SIPA1L2: variants seen among roughly 807,000 people sequenced by gnomAD.
SIPA1L2 encodes signal induced proliferation associated 1 like 2.
A neutral mutation model predicts 163.9 loss-of-function variants in SIPA1L2; 56 were observed. That is an observed-to-expected ratio of 0.34 (90% confidence interval 0.28 to 0.43). The LOEUF (loss-of-function observed/expected upper bound fraction) is 0.43, where lower values mean the gene tolerates loss of function less well. Ranked by LOEUF, SIPA1L2 falls within the 20% of genes least tolerant of loss-of-function variation. The pLI, the probability that SIPA1L2 is intolerant of heterozygous loss-of-function variation, is 1.00. For missense variants in SIPA1L2, 1,974 were observed against 2,193.5 expected (o/e 0.90, Z 2.00); for synonymous variants, 877 against 865.7 (o/e 1.01, Z -0.23).
At chr1:232,549,011 G>A (rs904546590) in intron 2 of SIPA1L2, among the ~76,000 whole-genome samples, 1 of 152,208 alleles carries the variant, frequency 6.6e-6, no homozygotes, top group African/African-American at 2.4e-5. Context: ...CACTGAAAAA[G>A]GGGATTCTGC....
intron 22 of SIPA1L2, among the ~76,000 whole-genome samples, chr1:232,400,209 A>G (rs1660254406): frequency 6.6e-6 from 1 of 152,104 alleles, no homozygotes; most frequent in South Asian, 2.1e-4. Flanking sequence ...CTTCACTCTA[A>G]GAAGCAGCTG....
chr1:232,526,345 A>G (rs940113978), intron 2 of SIPA1L2, among the ~76,000 whole-genome samples: 3 of 149,954 alleles, frequency 2.0e-5, no homozygotes, highest in African/African-American at 7.4e-5. Flanking sequence ...GCGGTCCCCA[A>G]CATTTTTGGC....
At chr1:232,456,438 ACT>A (rs2102905024) in intron 10 of SIPA1L2, among the ~76,000 whole-genome samples, 2 of 152,330 alleles carry the variant, frequency 1.3e-5, no homozygotes, top group East Asian at 1.9e-4. Context: ...GAAAATTTCC[ACT>A]GTTTTGCATT....
chr1:232,466,408 A>G (rs568527990), intron 8 of SIPA1L2, among the ~76,000 whole-genome samples: 2 of 152,368 alleles, frequency 1.3e-5, no homozygotes, highest in African/African-American at 2.4e-5. Context: ...ATTAAAACCA[A>G]TAACGCTCCC....
intron 2 of SIPA1L2, among the ~76,000 whole-genome samples, chr1:232,567,418 C>A (rs789646): frequency 0.39 from 59,157 of 151,882 alleles, 12,610 homozygotes; most frequent in East Asian, 0.56. Context: ...AAACCTTACT[C>A]ATAATATAAT....
chr1:232,515,761 C>G (rs1380767795), intron 2 of SIPA1L2, among the ~76,000 whole-genome samples, 153 bp from the exon 3 acceptor site: 1 of 152,226 alleles, frequency 6.6e-6, no homozygotes, highest in African/African-American at 2.4e-5. Flanking sequence ...CCCTGGAACA[C>G]CATCTTCCTT....
intron 8 of SIPA1L2, among the ~76,000 whole-genome samples, chr1:232,466,919 A>C (rs538448581): frequency 6.6e-6 from 1 of 152,384 alleles, no homozygotes; most frequent in Non-Finnish European, 1.5e-5. Context: ...CCACAGACCA[A>C]GAATCTGTAT....
intron 18 of SIPA1L2, among the ~76,000 whole-genome samples, chr1:232,420,417 T>C (rs1661503392): frequency 6.6e-6 from 1 of 152,228 alleles, no homozygotes. Flanking sequence ...TGGCTGGAAC[T>C]GTCTTGTCTC....
At chr1:232,506,770 G>A (rs1666749547) in intron 3 of SIPA1L2, among the ~76,000 whole-genome samples, 1 of 152,106 alleles carries the variant, frequency 6.6e-6, no homozygotes, top group Non-Finnish European at 1.5e-5. Context: ...TTCTATGGTC[G>A]TTCAATAAAG....
intron 10 of SIPA1L2, among the ~76,000 whole-genome samples, chr1:232,452,805 G>T (rs1663665602): frequency 6.6e-6 from 1 of 152,170 alleles, no homozygotes; most frequent in African/African-American, 2.4e-5. Context: ...ACTATGTGTA[G>T]CTTAGAAATG....
intron 4 of SIPA1L2, among the ~76,000 whole-genome samples, chr1:232,493,102 T>C (rs1666012765): frequency 6.6e-6 from 1 of 152,112 alleles, no homozygotes; most frequent in Admixed American, 6.5e-5. Flanking sequence ...ATCTGATGGT[T>C]TAAAAGTGTG....
At chr1:232,629,197 C>A (rs766825772) in intron 1 of SIPA1L2, among the ~76,000 whole-genome samples, 8 of 152,194 alleles carry the variant, frequency 5.3e-5, no homozygotes, top group Non-Finnish European at 1.2e-4. Context: ...AGATGATGAG[C>A]CGAAATTGAT....
chr1:232,468,016 T>C (rs1260551389), intron 8 of SIPA1L2, among the ~76,000 whole-genome samples: 1 of 152,214 alleles, frequency 6.6e-6, no homozygotes, highest in African/African-American at 2.4e-5. Context: ...TTCTTGCACA[T>C]CTCAAAGTTG....
intron 11 of SIPA1L2, among the ~76,000 whole-genome samples, 169 bp downstream of exon 11, chr1:232,445,360 G>A (rs1394408124): frequency 2.0e-5 from 3 of 152,152 alleles, no homozygotes. Context: ...CCAGGAGAGT[G>A]CCCGACCCCA....
intron 3 of SIPA1L2, among the ~76,000 whole-genome samples, chr1:232,504,744 A>G (rs997580202): frequency 1.3e-5 from 2 of 152,200 alleles, no homozygotes; most frequent in Admixed American, 1.3e-4. Flanking sequence ...GAAGACAATA[A>G]TATTAAGTAT....
intron 1 of SIPA1L2, among the ~76,000 whole-genome samples, chr1:232,624,124 G>A (rs1009418009): frequency 3.3e-5 from 5 of 152,056 alleles, no homozygotes; most frequent in African/African-American, 1.2e-4. Flanking sequence ...ATGCAGATAT[G>A]TATACATGTA....
At chr1:232,472,004 T>C (rs899465807) in intron 7 of SIPA1L2, among the ~76,000 whole-genome samples, 19 of 152,332 alleles carry the variant, frequency 1.2e-4, no homozygotes, top group South Asian at 6.2e-4. Context: ...AACACTGTCA[T>C]TCTGGTGAGC....
intron 1 of SIPA1L2, among the ~76,000 whole-genome samples, chr1:232,622,981 G>C (rs1217291470): frequency 2.6e-5 from 4 of 152,228 alleles, no homozygotes; most frequent in Non-Finnish European, 5.9e-5. Context: ...CCTAAGTGCA[G>C]GGAATACAGC....
intron 2 of SIPA1L2, among the ~76,000 whole-genome samples, chr1:232,533,584 C>A (rs1211020418): frequency 6.6e-6 from 1 of 152,126 alleles, no homozygotes; most frequent in Non-Finnish European, 1.5e-5. Context: ...AGTGTTCAAT[C>A]TAAAAATAGG....
Sources: allele counts gnomAD v4.1 joint callset (sites outside exome capture counted in the v4.1 genomes callset), GRCh38; gene constraint gnomAD v4.1.1; transcripts MANE v1.5; gene names NCBI Gene and HGNC (gene_info 2026-07-23, HGNC 2026-07-21).